PNPLA8: variants seen among roughly 807,000 people sequenced by gnomAD.
PNPLA8 encodes the protein calcium-independent phospholipase A2-gamma.
In PNPLA8, 39 loss-of-function variants were observed where a neutral mutation model predicts 76.9. That is an observed-to-expected ratio of 0.51 (90% CI 0.39 to 0.66). The LOEUF is 0.66. PNPLA8 is among the 30% of genes least tolerant of loss of function. PNPLA8 has a pLI of 0.00. For missense variants in PNPLA8, 887 were observed against 918.0 expected (o/e 0.97, Z 0.44); for synonymous variants, 301 against 307.9 (o/e 0.98, Z 0.24).
At chr7:108,494,090 A>C (rs1006606933) in intron 7 of PNPLA8, among the ~76,000 whole-genome samples, 2 of 152,214 alleles carry the variant, frequency 1.3e-5, no homozygotes, top group Non-Finnish European at 2.9e-5. Flanking sequence ...TGATTCTCTT[A>C]CAACACATAT....
At chr7:108,503,949 G>C (rs1862144722) in intron 4 of PNPLA8, among the ~76,000 whole-genome samples, 1 of 152,166 alleles carries the variant, frequency 6.6e-6, no homozygotes, top group Non-Finnish European at 1.5e-5. Flanking sequence ...ATGAGGTGTG[G>C]AAGGCAAAAG....
At chr7:108,479,873 A>G (rs1011564195) in intron 9 of PNPLA8, among the ~76,000 whole-genome samples, 4 of 152,206 alleles carry the variant, frequency 2.6e-5, no homozygotes, top group African/African-American at 4.8e-5. Context: ...AATAAACCTT[A>G]TATTTCTAAG....
Position 108,515,279 on chromosome 7 carries a change from A to G in PNPLA8, c.213T>C (p.Cys71=), listed in dbSNP as rs1404796720. The change falls in exon 3 of 11, where the codon TGT becomes TGC. Residue 71 remains cysteine (C), a synonymous_variant. Coordinates refer to ENST00000257694, the MANE Select transcript of PNPLA8 (RefSeq NM_001256007.3). The part of the protein sequence containing the change: ...KSEAHSCSKH[C]YSPSNHGLHI... ...GTAAACCATGGTTGCTTGGAGAGTAACAGTGCTTACTGCAAGAATGTGCTT... is the reference window on the plus strand; with the variant it reads ...GTAAACCATGGTTGCTTGGAGAGTAGCAGTGCTTACTGCAAGAATGTGCTT... The G allele has an allele frequency of 1.2e-6, 2 of 1,608,490 alleles. No individual in the cohort carries two copies. Among genetic ancestry groups the G allele is most frequent in the Non-Finnish European group, 1.7e-6 (2 of 1,177,440 alleles).
Position 108,482,427 on chromosome 7 carries a change from G to T in PNPLA8, c.1879-3048C>A, listed in dbSNP as rs1033609405. 9.2e-5 allele frequency among the ~76,000 whole-genome samples: 14 copies of T among 152,294 alleles called. No individual in the cohort carries two copies. The East Asian group carries it at 2.5e-3, about 27-fold the overall frequency. ...GCAGAGGTTGCAGTGAGCTGAGATT[G>T]TGCCACTGCACTCCGGCCTGGGCAC... On this transcript the variant is annotated intron_variant, in intron 9 of 10. Transcript: ENST00000257694.
At chr7:108,498,067 A>G (rs1374690855) in intron 5 of PNPLA8, among the ~76,000 whole-genome samples, 1 of 150,832 alleles carries the variant, frequency 6.6e-6, no homozygotes, top group Non-Finnish European at 1.5e-5. Context: ...AATGCCAAAA[A>G]CCAACAAACA....
chr7:108,497,096 T>C (rs1861603608), intron 6 of PNPLA8, among the ~76,000 whole-genome samples: 1 of 152,214 alleles, frequency 6.6e-6, no homozygotes, highest in South Asian at 2.1e-4. Context: ...TATAAGATAC[T>C]ATGGTAGATA....
intron 8 of PNPLA8, among the ~76,000 whole-genome samples, chr7:108,489,955 T>G (rs194586): frequency 0.65 from 98,405 of 152,090 alleles, 32,419 homozygotes; most frequent in African/African-American, 0.77. Context: ...GATTCAATTT[T>G]TATAATAATA....
intron 4 of PNPLA8, among the ~76,000 whole-genome samples, chr7:108,503,367 C>T (rs886465880): frequency 6.6e-6 from 1 of 152,170 alleles, no homozygotes; most frequent in East Asian, 1.9e-4. Flanking sequence ...TGCTGTGCAA[C>T]CTTCTGTAAA....
chr7:108,499,083 C>T (rs191214371), intron 5 of PNPLA8, among the ~76,000 whole-genome samples: 26 of 152,118 alleles, frequency 1.7e-4, no homozygotes, highest in African/African-American at 6.3e-4. Flanking sequence ...TAATTCAAGA[C>T]AAGACATGAT....
At chr7:108,523,310 G>A (rs999165571) in intron 1 of PNPLA8, among the ~76,000 whole-genome samples, 1 of 152,168 alleles carries the variant, frequency 6.6e-6, no homozygotes, top group South Asian at 2.1e-4. Context: ...ACAGTACTGA[G>A]GAGAGCAAAG....
intron 7 of PNPLA8, among the ~76,000 whole-genome samples, chr7:108,492,693 AAAAT>A (rs1447537131): frequency 1.3e-5 from 2 of 152,168 alleles, no homozygotes; most frequent in Non-Finnish European, 1.5e-5. Flanking sequence ...TTATCACAGC[AAAAT>A]AAATAAATAA....
In PNPLA8 at chr7:108,487,750, T is replaced by A. The variant is rs1347890407; in HGVS notation, c.1878+9A>T. The A allele has an allele frequency of 6.4e-7, 1 of 1,567,650 alleles. No homozygotes were observed. The highest frequency in any genetic ancestry group is 1.2e-5 in the South Asian group (1 of 85,222). On this transcript the variant is annotated intron_variant, in intron 9 of 10. Coordinates refer to ENST00000257694, the MANE Select transcript of PNPLA8 (RefSeq NM_001256007.3). Reference sequence around the variant, plus strand: ...AATTTAAAAAAATAAGACATACAAGTCAACTTACTTGATGAAGATCATTTC... The same window carrying A: ...AATTTAAAAAAATAAGACATACAAGACAACTTACTTGATGAAGATCATTTC...
intron 10 of PNPLA8, among the ~76,000 whole-genome samples, chr7:108,475,202 G>C (rs1859902357): frequency 6.6e-6 from 1 of 152,078 alleles, no homozygotes; most frequent in Admixed American, 6.6e-5. Context: ...AACAAGCTCA[G>C]GGCTCCCAAT....
chr7:108,514,094 T>G, intron 4 of PNPLA8, 50 bp downstream of exon 4: 1 of 1,306,952 alleles, frequency 7.7e-7, no homozygotes, highest in Non-Finnish European at 1.1e-6. Flanking sequence ...TAGATTTTTT[T>G]TAGTACTTCT....
intron 10 of PNPLA8, among the ~76,000 whole-genome samples, chr7:108,474,791 G>C (rs572912727): frequency 6.6e-6 from 1 of 152,132 alleles, no homozygotes; most frequent in Non-Finnish European, 1.5e-5. Flanking sequence ...TGATTTATAT[G>C]TCTATCTTTA....
At chr7:108,493,545 C>G (rs931913612) in intron 7 of PNPLA8, among the ~76,000 whole-genome samples, 7 of 146,556 alleles carry the variant, frequency 4.8e-5, no homozygotes, top group Non-Finnish European at 1.0e-4. Flanking sequence ...GCTGGGACTA[C>G]AGGCGCCCGC....
Position 108,479,399 on chromosome 7 carries a change from A to G in PNPLA8, c.1879-20T>C, listed in dbSNP as rs751752522. ...TCCATCCTGCAAAATACAAGTTAAA[A>G]AAAGAAACTTTTAAAACTGACTCAC... On this transcript the variant is annotated intron_variant, in intron 9 of 10. Coordinates refer to ENST00000257694, the MANE Select transcript of PNPLA8 (RefSeq NM_001256007.3). The G allele has an allele frequency of 2.6e-6, 4 of 1,567,684 alleles. No individual in the cohort carries two copies. Among genetic ancestry groups the G allele is most frequent in the Non-Finnish European group, 3.5e-6 (4 of 1,149,974 alleles).
intron 8 of PNPLA8, among the ~76,000 whole-genome samples, chr7:108,491,091 G>T (rs1040335226): frequency 6.6e-6 from 1 of 152,062 alleles, no homozygotes; most frequent in Non-Finnish European, 1.5e-5. Flanking sequence ...GATCACCTGA[G>T]TTTGGGAGTT....
At chr7:108,506,583 G>C (rs1238769915) in intron 4 of PNPLA8, among the ~76,000 whole-genome samples, 1 of 151,930 alleles carries the variant, frequency 6.6e-6, no homozygotes, top group Non-Finnish European at 1.5e-5. Context: ...TTTTCCAAAA[G>C]ATATAACCCA....
Sources: gnomAD v4.1 joint callset for allele counts (sites outside exome capture counted in the v4.1 genomes callset) on GRCh38, gnomAD v4.1.1 for gene constraint, MANE v1.5 for transcripts, NCBI Gene and HGNC (gene_info 2026-07-23, HGNC 2026-07-21) for gene names.